RHBDL2: variants seen among roughly 807,000 people sequenced by gnomAD.
RHBDL2 encodes the protein rhomboid-related protein 2.
In RHBDL2, 26 loss-of-function variants were observed where a neutral mutation model predicts 31.7. The observed-to-expected ratio is 0.82, with a 90% CI of 0.60 to 1.14. RHBDL2 has a LOEUF of 1.14. Ranked by LOEUF, RHBDL2 falls within the 50% of genes most tolerant of loss-of-function variation. RHBDL2 has a pLI of 0.00. For synonymous variants in RHBDL2, 123 were observed against 127.2 expected (o/e 0.97, Z 0.22); for missense variants, 336 against 364.4 (o/e 0.92, Z 0.63).
At chr1:38,903,345 G>T (rs1218989784) in intron 4 of RHBDL2, among the ~76,000 whole-genome samples, 1 of 151,862 alleles carries the variant, frequency 6.6e-6, no homozygotes, top group African/African-American at 2.4e-5. Context: ...TCACTATGTT[G>T]CCCAGGCTGG....
At chr1:38,931,404 A>C (rs1383689932) in intron 1 of RHBDL2, among the ~76,000 whole-genome samples, 1 of 152,070 alleles carries the variant, frequency 6.6e-6, no homozygotes, top group Non-Finnish European at 1.5e-5. Flanking sequence ...GCCTGTAGTC[A>C]CAGCTACTCG....
intron 1 of RHBDL2, among the ~76,000 whole-genome samples, chr1:38,924,084 T>A (rs1415342615): frequency 6.6e-6 from 1 of 151,800 alleles, no homozygotes; most frequent in African/African-American, 2.4e-5. Flanking sequence ...GTATTCTTTT[T>A]TCAAAAAAAA....
intron 4 of RHBDL2, among the ~76,000 whole-genome samples, chr1:38,910,545 C>T (rs1035861492): frequency 6.6e-6 from 1 of 152,154 alleles, no homozygotes; most frequent in African/African-American, 2.4e-5. Flanking sequence ...GGATCACTGA[C>T]GTATGCTACT....
intron 1 of RHBDL2, among the ~76,000 whole-genome samples, chr1:38,922,184 T>G (rs997335671): frequency 2.0e-5 from 3 of 151,880 alleles, no homozygotes; most frequent in Non-Finnish European, 2.9e-5. Context: ...CTGCCTTGCC[T>G]TGTAAAGTAG....
intron 4 of RHBDL2, among the ~76,000 whole-genome samples, chr1:38,908,814 G>T (rs187397285): frequency 6.6e-6 from 1 of 152,268 alleles, no homozygotes; most frequent in African/African-American, 2.4e-5. Context: ...TTATACTTGT[G>T]CCTTATCTCC....
At chr1:38,935,931 G>C (rs1161235098) in intron 1 of RHBDL2, among the ~76,000 whole-genome samples, 1 of 151,976 alleles carries the variant, frequency 6.6e-6, no homozygotes, top group East Asian at 1.9e-4. Context: ...GGTGTTTTTT[G>C]AGACAGGGTC....
rs918755422 is a variant in RHBDL2 at position 38,895,161 on chromosome 1, G to A, written c.609+808C>T. ...GGAGGATTTCTAAGCACTGACATGG[G>A]TAGATGGTCAGGATGCTCTATGATA... On this transcript the variant is annotated intron_variant, in intron 5 of 7. Coordinates refer to ENST00000372990, the MANE Select transcript of RHBDL2 (RefSeq NM_017821.5). 5.3e-5 allele frequency among the ~76,000 whole-genome samples: 8 copies of A among 152,134 alleles called. 1 individual carries two copies. The highest frequency in any genetic ancestry group is 1.7e-4 in the African/African-American group (7 of 41,412).
intron 1 of RHBDL2, among the ~76,000 whole-genome samples, chr1:38,932,333 T>G (rs943009880): frequency 6.6e-6 from 1 of 152,162 alleles, no homozygotes; most frequent in Admixed American, 6.5e-5. Flanking sequence ...GCCCAGCTCA[T>G]CCACCAGTTG....
At chr1:38,937,931 G>T (rs145773935) in intron 1 of RHBDL2, among the ~76,000 whole-genome samples, 4 of 152,126 alleles carry the variant, frequency 2.6e-5, no homozygotes, top group African/African-American at 9.6e-5. Flanking sequence ...GACCCATCAG[G>T]CCTGAAAACC....
At chr1:38,918,542 C>T (rs1418060911) in intron 2 of RHBDL2, among the ~76,000 whole-genome samples, 3 of 152,138 alleles carry the variant, frequency 2.0e-5, no homozygotes, top group East Asian at 1.9e-4. Flanking sequence ...TAAAGGATCC[C>T]GTTTTTTTCC....
chr1:38,886,811 T>A, intron 7 of RHBDL2, 128 bp from the exon 8 acceptor site: 1 of 646,878 alleles, frequency 1.5e-6, no homozygotes, highest in Non-Finnish European at 2.4e-6. Flanking sequence ...TCTAGAGAAC[T>A]AGGGGTAAGG....
intron 1 of RHBDL2, among the ~76,000 whole-genome samples, chr1:38,937,370 T>C (rs1402579954): frequency 6.6e-6 from 1 of 152,210 alleles, no homozygotes; most frequent in Non-Finnish European, 1.5e-5. Context: ...ATTCTCTAAC[T>C]GTCCTTTTGA....
intron 2 of RHBDL2, 48 bp downstream of exon 2, chr1:38,918,919 A>G (rs1366731638): frequency 1.3e-6 from 2 of 1,583,384 alleles, no homozygotes; most frequent in African/African-American, 1.3e-5. Flanking sequence ...GTTTGTTCCC[A>G]GCTTCCCCAT....
chr1:38,898,839 G>A (rs892289204), intron 4 of RHBDL2, among the ~76,000 whole-genome samples: 1 of 152,216 alleles, frequency 6.6e-6, no homozygotes, highest in African/African-American at 2.4e-5. Flanking sequence ...AATGAAGTGG[G>A]AAGACTACCT....
Position 38,929,435 on chromosome 1 carries a change from C to T in RHBDL2, c.-125-10098G>A, listed in dbSNP as rs75563930. The T allele has an allele frequency of 6.7e-3, 8,657 of 1,289,456 alleles. 438 individuals are homozygous for T. In the African/African-American group the frequency reaches 0.12, roughly 17 times the overall value. The allele number at this position is 1,289,456 out of a possible 1,614,324, so 79.9% of individuals were successfully genotyped here. A position where few individuals can be genotyped will look rare whatever the true frequency, so the allele number is the denominator to read the frequency against. ...TCACCCAGGAAGGCCCTGGCAAGGC[C>T]AACACCCTTATGACAACTCCTTTTC... On this transcript the variant is annotated intron_variant, in intron 1 of 7. Coordinates refer to ENST00000372990, the MANE Select transcript of RHBDL2 (RefSeq NM_017821.5).
At chr1:38,888,055 A>T in intron 6 of RHBDL2, 31 bp from the exon 7 acceptor site, 1 of 1,510,556 alleles carries the variant, frequency 6.6e-7, no homozygotes, top group Non-Finnish European at 9.2e-7. Context: ...ATAAAGGCTC[A>T]GAATCTCCAC....
intron 4 of RHBDL2, among the ~76,000 whole-genome samples, chr1:38,906,022 G>A (rs151026861): frequency 6.0e-5 from 9 of 150,634 alleles, no homozygotes; most frequent in South Asian, 2.1e-4. Context: ...AGCCAAGATC[G>A]TGCCATTGCA....
chr1:38,929,080 A>G (rs1643411551), intron 1 of RHBDL2, among the ~76,000 whole-genome samples: 1 of 151,784 alleles, frequency 6.6e-6, no homozygotes, highest in East Asian at 1.9e-4. Flanking sequence ...TCCAAAACCT[A>G]AATAAATAAA....
At chr1:38,928,181 G>A (rs1328508550) in intron 1 of RHBDL2, among the ~76,000 whole-genome samples, 5 of 131,972 alleles carry the variant, frequency 3.8e-5, no homozygotes, top group African/African-American at 1.5e-4. Flanking sequence ...TCGCTTTGTC[G>A]CCCAGGCTGG....
Sources: gnomAD v4.1 joint callset for allele counts (sites outside exome capture counted in the v4.1 genomes callset) on GRCh38, gnomAD v4.1.1 for gene constraint, MANE v1.5 for transcripts, NCBI Gene and HGNC (gene_info 2026-07-23, HGNC 2026-07-21) for gene names.